Variants in CEP15 observed in about 807,000 individuals in gnomAD.
CEP15 encodes the protein centrosomal protein 15 kDa.
the CEP15 span, among the ~76,000 whole-genome samples, chr3:62,330,184 CGCTACCA>C: frequency 1.3e-5 from 2 of 152,102 alleles, no homozygotes; most frequent in Non-Finnish European, 2.9e-5. Context: ...TTGCTCCCGC[CGCTACCA>C]TCTGCTATCT....
chr3:62,322,344 G>A, the CEP15 span: 3 of 244,926 alleles, frequency 1.2e-5, no homozygotes, highest in Non-Finnish European at 2.3e-5. This position sits in a 1 kb window ranked among gnomAD's most constrained non-coding sequence, Gnocchi z 5.5. Context: ...GTAAGAAACA[G>A]AAGATGTACC....
At chr3:62,333,196 A>T in the CEP15 span, 1 of 1,567,730 alleles carries the variant, frequency 6.4e-7, no homozygotes, top group East Asian at 2.3e-5. This position sits in a 1 kb window ranked among gnomAD's most constrained non-coding sequence, Gnocchi z 4.0. Flanking sequence ...TTAGACTATT[A>T]TGAAGAGCCA....
the CEP15 span, among the ~76,000 whole-genome samples, chr3:62,326,815 T>A: frequency 6.6e-6 from 1 of 152,220 alleles, no homozygotes; most frequent in Non-Finnish European, 1.5e-5. Context: ...CCAGAAATCA[T>A]ATTGTTTCAC....
At chr3:62,331,130 GA>G in the CEP15 span, among the ~76,000 whole-genome samples, 2 of 151,752 alleles carry the variant, frequency 1.3e-5, no homozygotes, top group Non-Finnish European at 2.9e-5. Flanking sequence ...ATCAAAATAA[GA>G]AATGCTGTAT....
At chr3:62,324,393 C>G in the CEP15 span, among the ~76,000 whole-genome samples, 1 of 151,986 alleles carries the variant, frequency 6.6e-6, no homozygotes, top group African/African-American at 2.4e-5. Context: ...CAGAGTGAGA[C>G]TCTGTGTCTG....
the CEP15 span, among the ~76,000 whole-genome samples, chr3:62,327,287 A>T: frequency 6.6e-6 from 1 of 152,220 alleles, no homozygotes; most frequent in Admixed American, 6.5e-5. Context: ...CACTTTTAAC[A>T]AAGTCAAAAG....
chr3:62,325,857 C>G, the CEP15 span, among the ~76,000 whole-genome samples: 1 of 152,184 alleles, frequency 6.6e-6, no homozygotes, highest in East Asian at 1.9e-4. Context: ...AACCCCGTCT[C>G]TACTAAAAAT....
At chr3:62,328,628 G>A in the CEP15 span, among the ~76,000 whole-genome samples, 6 of 151,892 alleles carry the variant, frequency 4.0e-5, no homozygotes, top group Non-Finnish European at 7.4e-5. Context: ...CTCCCTTTTC[G>A]CCCCCCTTTT....
At chr3:62,328,098 A>C in the CEP15 span, among the ~76,000 whole-genome samples, 2 of 152,174 alleles carry the variant, frequency 1.3e-5, no homozygotes, top group Non-Finnish European at 2.9e-5. Context: ...TTGGCAGGAA[A>C]TATATTTAGA....
the CEP15 span, among the ~76,000 whole-genome samples, chr3:62,332,385 T>C: frequency 6.6e-6 from 1 of 152,150 alleles, no homozygotes; most frequent in African/African-American, 2.4e-5. Flanking sequence ...CTGCTGTATT[T>C]AATGCTTGGA....
the CEP15 span, among the ~76,000 whole-genome samples, chr3:62,332,896 T>G: frequency 1.3e-5 from 2 of 152,096 alleles, no homozygotes; most frequent in Admixed American, 1.3e-4. Context: ...TGGTATGGGA[T>G]TTGGAATATT....
chr3:62,335,846 G>T, the CEP15 span: 2 of 151,934 alleles, frequency 1.3e-5, no homozygotes, highest in Non-Finnish European at 2.9e-5. Context: ...ATTTTCTGCA[G>T]AAACACTTCT....
chr3:62,320,944 T>A, the CEP15 span, among the ~76,000 whole-genome samples: 16 of 152,180 alleles, frequency 1.1e-4, no homozygotes, highest in African/African-American at 3.6e-4. Context: ...GTCCTGCTCT[T>A]TGCTTTGTAT....
chr3:62,320,628 T>G, the CEP15 span: 1 of 792,148 alleles, frequency 1.3e-6, no homozygotes, highest in Non-Finnish European at 2.0e-6. Context: ...GCATGTCATT[T>G]TAATTTTCTG....
At chr3:62,322,301 A>G in the CEP15 span, 1 of 356,206 alleles carries the variant, frequency 2.8e-6, no homozygotes, top group Non-Finnish European at 5.0e-6. This position sits in a 1 kb window ranked among gnomAD's most constrained non-coding sequence, Gnocchi z 5.5. Flanking sequence ...CAATGACTAC[A>G]GAAGGAATTG....
the CEP15 span, among the ~76,000 whole-genome samples, chr3:62,327,319 T>C: frequency 6.6e-6 from 1 of 152,258 alleles, no homozygotes; most frequent in Non-Finnish European, 1.5e-5. Flanking sequence ...ATTAATAACA[T>C]TTTAATGAGG....
At chr3:62,320,181 T>C in the CEP15 span, among the ~76,000 whole-genome samples, 3 of 152,252 alleles carry the variant, frequency 2.0e-5, no homozygotes, top group African/African-American at 4.8e-5. Flanking sequence ...TAGTACCAGC[T>C]GCTTGTTTGT....
At chr3:62,322,021 A>T in the CEP15 span, 1 of 1,609,312 alleles carries the variant, frequency 6.2e-7, no homozygotes, top group Non-Finnish European at 8.5e-7. This position sits in a 1 kb window ranked among gnomAD's most constrained non-coding sequence, Gnocchi z 5.5. Flanking sequence ...AACTGTTGAG[A>T]CTGCTTTTAA....
the CEP15 span, among the ~76,000 whole-genome samples, chr3:62,325,466 T>C: frequency 6.6e-6 from 1 of 152,120 alleles, no homozygotes; most frequent in Non-Finnish European, 1.5e-5. Flanking sequence ...TTGAGCATAT[T>C]AGTAAATGAA....
Sources: gnomAD v4.1 joint callset for allele counts (sites outside exome capture counted in the v4.1 genomes callset) on GRCh38, gnomAD v4.1.1 for gene constraint, Gnocchi (gnomAD v3.1) non-coding constraint, MANE v1.5 for transcripts, NCBI Gene and HGNC (gene_info 2026-07-23, HGNC 2026-07-21) for gene names.